Variants in DAB1 observed in about 807,000 individuals in gnomAD.
The protein encoded by DAB1 is DAB adaptor protein 1, also known as disabled homolog 1.
A neutral mutation model predicts 64.6 loss-of-function variants in DAB1; 15 were observed. The ratio of observed to expected loss-of-function variants is 0.23; its 90% CI spans 0.16 to 0.36. The LOEUF is 0.36. Ranked by LOEUF, DAB1 falls within the 10% of genes least tolerant of loss-of-function variation. The pLI is 1.00. For missense variants in DAB1, 596 were observed against 706.7 expected (o/e 0.84, Z 1.78); for synonymous variants, 235 against 251.9 (o/e 0.93, Z 0.64).
chr1:58,487,802 T>C (rs972819352), intron 3 of DAB1, among the ~76,000 whole-genome samples: 7 of 152,146 alleles, frequency 4.6e-5, no homozygotes, highest in Admixed American at 6.5e-5. Flanking sequence ...TCAACACACA[T>C]ATACTTTAAT....
intron 5 of DAB1, among the ~76,000 whole-genome samples, chr1:57,967,393 T>C (rs1645693489): frequency 6.6e-6 from 1 of 152,176 alleles, no homozygotes; most frequent in South Asian, 2.1e-4. Context: ...TGCTACCCAC[T>C]ATCAAGGCTG....
chr1:57,256,046 T>C (rs191745451), intron 2 of DAB1, among the ~76,000 whole-genome samples: 2 of 152,370 alleles, frequency 1.3e-5, no homozygotes, highest in African/African-American at 2.4e-5. Context: ...TATCCTGCCC[T>C]GTGCGTTGTT....
At chr1:57,826,672 G>C (rs1652364464) in intron 1 of DAB1, among the ~76,000 whole-genome samples, 1 of 152,186 alleles carries the variant, frequency 6.6e-6, no homozygotes, top group Admixed American at 6.5e-5. Flanking sequence ...GATGTGACAA[G>C]TGCACAGGGT....
chr1:57,489,240 G>A (rs1644131901), intron 7 of DAB1, among the ~76,000 whole-genome samples: 1 of 152,182 alleles, frequency 6.6e-6, no homozygotes, highest in Non-Finnish European at 1.5e-5. Flanking sequence ...ACAGAGGCAG[G>A]ATTGCAAAAT....
intron 1 of DAB1, among the ~76,000 whole-genome samples, chr1:57,826,606 T>C (rs1652361823): frequency 6.6e-6 from 1 of 152,168 alleles, no homozygotes. Context: ...GGCTCCAACA[T>C]GGACAGTGAA....
intron 7 of DAB1, among the ~76,000 whole-genome samples, chr1:57,491,635 A>C (rs1644166916): frequency 6.6e-6 from 1 of 152,192 alleles, no homozygotes; most frequent in South Asian, 2.1e-4. Context: ...ATAGCTATCA[A>C]GGAGGGTTAA....
intron 7 of DAB1, among the ~76,000 whole-genome samples, chr1:57,570,559 C>G (rs1645182402): frequency 6.6e-6 from 1 of 152,082 alleles, no homozygotes. Context: ...CAGTACCATG[C>G]TGTTTTGGTG....
chr1:58,227,739 C>T (rs182922810), intron 4 of DAB1, among the ~76,000 whole-genome samples: 2 of 152,286 alleles, frequency 1.3e-5, no homozygotes, highest in Admixed American at 6.5e-5. Flanking sequence ...TTGATTTGCC[C>T]ACAGTGTAAG....
At chr1:57,329,000 G>C (rs906614895) in intron 1 of DAB1, among the ~76,000 whole-genome samples, 1 of 152,172 alleles carries the variant, frequency 6.6e-6, no homozygotes, top group Non-Finnish European at 1.5e-5. Context: ...TATTAATGTT[G>C]ACAGCACTTT....
chr1:58,322,957 G>A (rs1043414731), intron 4 of DAB1, among the ~76,000 whole-genome samples: 1 of 152,070 alleles, frequency 6.6e-6, no homozygotes, highest in Non-Finnish European at 1.5e-5. Context: ...GGATGAAGCT[G>A]GAAACCATCA....
chr1:57,412,906 G>C (rs961498018), intron 1 of DAB1, among the ~76,000 whole-genome samples: 3 of 152,324 alleles, frequency 2.0e-5, no homozygotes, highest in Non-Finnish European at 2.9e-5. Flanking sequence ...AGACAAAACA[G>C]CCTTATATTG....
intron 4 of DAB1, among the ~76,000 whole-genome samples, chr1:58,257,437 T>C (rs1331525457): frequency 1.3e-5 from 2 of 152,172 alleles, no homozygotes; most frequent in Non-Finnish European, 2.9e-5. Flanking sequence ...ATGCAGGTGT[T>C]AACACCTTTT....
intron 4 of DAB1, among the ~76,000 whole-genome samples, chr1:58,262,036 G>A (rs1456307808): frequency 6.6e-6 from 1 of 152,208 alleles, no homozygotes; most frequent in Non-Finnish European, 1.5e-5. Context: ...GCAGAGGTTA[G>A]GTCTGGGCTC....
Position 57,083,903 on chromosome 1 carries a change from C to T in DAB1, c.307-11489G>A, listed in dbSNP as rs191661829. Among the ~76,000 whole-genome samples the T allele has an allele frequency of 1.6e-3, 244 of 152,276 alleles. 1 individual carries two copies. Among genetic ancestry groups the T allele is most frequent in the Non-Finnish European group, 1.7e-3 (113 of 68,020 alleles). On this transcript the variant is annotated intron_variant, in intron 4 of 14. Transcript: ENST00000371236. ...CCTAGCTTCTCTGAACCTTAGTGTCCTCATCTGTGAGTTCATTCAATTGAA... is the reference window on the plus strand; with the variant it reads ...CCTAGCTTCTCTGAACCTTAGTGTCTTCATCTGTGAGTTCATTCAATTGAA...
chr1:58,218,395 G>A (rs1658969801), intron 4 of DAB1, among the ~76,000 whole-genome samples: 1 of 152,172 alleles, frequency 6.6e-6, no homozygotes, highest in Non-Finnish European at 1.5e-5. Context: ...GGCTGAGGGT[G>A]AGGTTAAGAA....
chr1:58,048,386 C>A, intron 5 of DAB1: 1 of 920,244 alleles, frequency 1.1e-6, no homozygotes, highest in Non-Finnish European at 1.8e-6. Flanking sequence ...AAAACTGCTT[C>A]CACTGCCACT....
chr1:58,389,318 G>GC (rs1176026486), intron 3 of DAB1, among the ~76,000 whole-genome samples: 1 of 152,122 alleles, frequency 6.6e-6, no homozygotes, highest in Non-Finnish European at 1.5e-5. Flanking sequence ...CATGCCTATA[G>GC]CCCCAACTAC....
chr1:57,856,869 T>A (rs1653778989), intron 1 of DAB1, among the ~76,000 whole-genome samples: 1 of 152,218 alleles, frequency 6.6e-6, no homozygotes, highest in Non-Finnish European at 1.5e-5. Flanking sequence ...CCTATGGGGA[T>A]GTGAATGATA....
chr1:58,434,931 C>T (rs1644925303), intron 3 of DAB1, among the ~76,000 whole-genome samples: 1 of 152,184 alleles, frequency 6.6e-6, no homozygotes, highest in South Asian at 2.1e-4. Context: ...CCTCCAAAAC[C>T]ATCAAAGACT....
Sources: allele counts gnomAD v4.1 joint callset (sites outside exome capture counted in the v4.1 genomes callset), GRCh38; gene constraint gnomAD v4.1.1; transcripts MANE v1.5; gene names NCBI Gene and HGNC (gene_info 2026-07-23, HGNC 2026-07-21).